Variants in FRAT2 observed in about 807,000 individuals in gnomAD.
FRAT2 encodes FRAT regulator of Wnt signaling pathway 2.
For missense variants in FRAT2, 326 were observed against 340.8 expected (o/e 0.96, Z 0.34); for synonymous variants, 205 against 171.5 (o/e 1.20, Z -1.53).
In FRAT2 at chr10:97,334,639, A is replaced by C; in HGVS notation, c.-67T>G. The C allele has an allele frequency of 9.2e-6, 12 of 1,300,756 alleles. No homozygotes were observed. Among genetic ancestry groups the C allele is most frequent in the Non-Finnish European group, 1.2e-5 (12 of 1,021,282 alleles). The allele number at this position is 1,300,756 out of a possible 1,614,324, so 80.6% of individuals were successfully genotyped here. On this transcript the variant is annotated 5_prime_UTR_variant, in exon 1 of 1. Coordinates refer to ENST00000371019, the MANE Select transcript of FRAT2 (RefSeq NM_012083.3). ...GGGGCTTGGTTGCCCGCGGGCGCGGAGCTGCGGGCGAAGCCGGAGCAGGGG... is the reference window on the plus strand; with the variant it reads ...GGGGCTTGGTTGCCCGCGGGCGCGGCGCTGCGGGCGAAGCCGGAGCAGGGG...
chr10:97,333,565 C>T lies in FRAT2; in HGVS notation c.*306G>A, dbSNP rs1843544948. 1 of 354,156 alleles carries T rather than the reference C, an allele frequency of 2.8e-6. No individual in the cohort carries two copies. The highest frequency in any genetic ancestry group is 4.5e-5 in the Admixed American group (1 of 22,034). 21.9% of individuals were successfully genotyped at this position (354,156 alleles called of 1,614,324 possible). ...ACGCCCCCAAGGGCTAAGTGAGGTA[C>T]AAGTCGATGCAAGTAGCTGCCATAG... On this transcript the variant is annotated 3_prime_UTR_variant, in exon 1 of 1. Transcript: ENST00000371019.
Position 97,334,311 on chromosome 10 carries a change from G to C in FRAT2, c.262C>G (p.Pro88Ala). ...GGCAGCAGCAGCGGCACCGCCGGGG[G>C]CCGGGCCTTGTCCGCCGGCACCGCC... ...AAAVPADKAR[P>A]PAVPLLLPPA... Residue 88 changes from proline (P) to alanine (A), a missense_variant, in exon 1 of 1, where the codon CCC becomes GCC. By Grantham distance (27) the Pro-to-Ala change is conservative (BLOSUM62 -1). Coordinates refer to ENST00000371019, the MANE Select transcript of FRAT2 (RefSeq NM_012083.3). The C allele has an allele frequency of 4.4e-6, 5 of 1,136,206 alleles. No homozygotes were observed. The highest frequency in any genetic ancestry group is 5.4e-6 in the Non-Finnish European group (5 of 928,402). The allele number at this position is 1,136,206 out of a possible 1,614,324, so 70.4% of individuals were successfully genotyped here.
rs938189735 is a variant in FRAT2 at position 97,333,041 on chromosome 10, G to A, written c.*830C>T. On this transcript the variant is annotated 3_prime_UTR_variant, in exon 1 of 1. Coordinates refer to ENST00000371019, the MANE Select transcript of FRAT2 (RefSeq NM_012083.3). Reference sequence around the variant, plus strand: ...AAAGGAAAGCACAGAAAACAGGAAAGAACTCTCCCTACACGTCCCTCTCTG... The same window carrying A: ...AAAGGAAAGCACAGAAAACAGGAAAAAACTCTCCCTACACGTCCCTCTCTG... 4 of 152,026 alleles carry A rather than the reference G, an allele frequency of 2.6e-5. No homozygotes were observed. Among genetic ancestry groups the A allele is most frequent in the African/African-American group, 7.3e-5 (3 of 41,366 alleles). The allele number at this position is 152,026 out of a possible 1,614,324, so 9.4% of individuals were successfully genotyped here.
In FRAT2 at chr10:97,334,481, G is replaced by T. The variant is rs1296127621; in HGVS notation, c.92C>A (p.Ser31Ter). The change falls in exon 1 of 1, where the codon TCG becomes TAG. Residue 31 changes from serine to a stop codon, truncating the protein, a stop_gained. Transcript: ENST00000371019. LOFTEE classifies it low-confidence loss of function (END_TRUNC). ...EDDSFLLLQQ[S>*]VTLGSSGEVD... ...CTCGCCCGAGCTGCCCAGCGTCACC[G>T]ACTGCTGCAGCAGGAGGAAGCTGTC... is the stretch of plus-strand genomic sequence containing the variant. 3.3e-6 allele frequency: 5 copies of T among 1,492,702 alleles called. No individual in the cohort carries two copies. Among genetic ancestry groups the T allele is most frequent in the Non-Finnish European group, 4.4e-6 (5 of 1,126,172 alleles). The allele number at this position is 1,492,702 out of a possible 1,614,324, so 92.5% of individuals were successfully genotyped here. A position where few individuals can be genotyped will look rare whatever the true frequency, so the allele number is the denominator to read the frequency against.
At position 97,333,102 on chromosome 10, in the gene FRAT2, A is replaced by G. The variant is rs1351668061; in HGVS notation, c.*769T>C. The G allele has an allele frequency of 6.6e-6, 1 of 152,196 alleles. No individual in the cohort carries two copies. Among genetic ancestry groups the G allele is most frequent in the Non-Finnish European group, 1.5e-5 (1 of 68,024 alleles). The allele number at this position is 152,196 out of a possible 1,614,324, so 9.4% of individuals were successfully genotyped here. On this transcript the variant is annotated 3_prime_UTR_variant, in exon 1 of 1. Transcript: ENST00000371019. The stretch of plus-strand genomic sequence containing the variant: ...TCCTCGGGAGACTCCAAGCGGTGGT[A>G]AAGCACCAACAGGGCTCTTCTTGGA...
In FRAT2 at chr10:97,333,964, A is replaced by C. The variant is rs1403614566; in HGVS notation, c.609T>G (p.Val203=). ...GGGCGCTTGCGGGGCCCGTGGCTGCAACCGCGGCGACGGCTCGTTGGAGTC... is the reference window on the plus strand; with the variant it reads ...GGGCGCTTGCGGGGCCCGTGGCTGCCACCGCGGCGACGGCTCGTTGGAGTC... ...VRRLQRAVAA[V]AATGPASAPG... is the part of the protein sequence containing the mutation. The change falls in exon 1 of 1, where the codon GTT becomes GTG. Residue 203 remains valine (V), a synonymous_variant. Coordinates refer to ENST00000371019, the MANE Select transcript of FRAT2 (RefSeq NM_012083.3). The C allele has an allele frequency of 1.3e-6, 2 of 1,579,828 alleles. No individual in the cohort carries two copies. The highest frequency in any genetic ancestry group is 1.7e-6 in the Non-Finnish European group (2 of 1,170,796).
In FRAT2 at chr10:97,333,768, T is replaced by C; in HGVS notation, c.*103A>G. ...ACGCGCCTCCCCGCAGCCAAAGTGG[T>C]CGCTCCCAGGCTGGCGACGTCGGCT... On this transcript the variant is annotated 3_prime_UTR_variant, in exon 1 of 1. Transcript: ENST00000371019. 1 of 1,277,276 alleles carries C rather than the reference T, an allele frequency of 7.8e-7. No homozygotes were observed. The highest frequency in any genetic ancestry group is 1.0e-6 in the Non-Finnish European group (1 of 989,384). 79.1% of individuals were successfully genotyped at this position (1,277,276 alleles called of 1,614,324 possible).
rs1843542317 is a variant in FRAT2 at position 97,333,281 on chromosome 10, C to G, written c.*590G>C. ...GCAAAATTCTTCACCTCTCTCCAGT[C>G]CCTTAATTGGAGTTCACATCTCCCA... On this transcript the variant is annotated 3_prime_UTR_variant, in exon 1 of 1. Coordinates refer to ENST00000371019, the MANE Select transcript of FRAT2 (RefSeq NM_012083.3). 6.6e-6 allele frequency: 1 copy of G among 152,230 alleles called. No individual in the cohort carries two copies. Among genetic ancestry groups the G allele is most frequent in the South Asian group, 2.1e-4 (1 of 4,838 alleles). 9.4% of individuals were successfully genotyped at this position (152,230 alleles called of 1,614,324 possible).
At position 97,334,162 on chromosome 10, in the gene FRAT2, G is replaced by A; in HGVS notation, c.411C>T (p.Pro137=). ...PYCVAEVAAG[P]SALPGPCRRG... ...GCCGGCACGGCCCCGGCAGCGCGCTGGGGCCTGCGGCGACCTCCGCCACGC... is the reference window on the plus strand; with the variant it reads ...GCCGGCACGGCCCCGGCAGCGCGCTAGGGCCTGCGGCGACCTCCGCCACGC... Residue 137 remains proline, a synonymous_variant, in exon 1 of 1, where the codon CCC becomes CCT. Transcript: ENST00000371019. 1 of 1,412,846 alleles carries A rather than the reference G, an allele frequency of 7.1e-7. No homozygotes were observed. Among genetic ancestry groups the A allele is most frequent in the Non-Finnish European group, 9.1e-7 (1 of 1,094,606 alleles). 87.5% of individuals were successfully genotyped at this position (1,412,846 alleles called of 1,614,324 possible). A position where few individuals can be genotyped will look rare whatever the true frequency, so the allele number is the denominator to read the frequency against.
Position 97,334,290 on chromosome 10 carries a change from G to A in FRAT2, c.283C>T (p.Leu95=), listed in dbSNP as rs1349948713. Residue 95 remains leucine (L), a synonymous_variant, in exon 1 of 1, where the codon CTG becomes TTG. Transcript: ENST00000371019. Reference sequence around the variant, plus strand: ...ACCGTCTCAGCCGAAGCGGGCGGCAGCAGCAGCGGCACCGCCGGGGGCCGG... The same window carrying A: ...ACCGTCTCAGCCGAAGCGGGCGGCAACAGCAGCGGCACCGCCGGGGGCCGG... ...KARPPAVPLL[L]PPASAETVGP... is the part of the protein sequence containing the mutation. 7 of 1,152,080 alleles carry A rather than the reference G, an allele frequency of 6.1e-6. No individual in the cohort carries two copies. The highest frequency in any genetic ancestry group is 6.4e-6 in the Non-Finnish European group (6 of 938,664). 71.4% of individuals were successfully genotyped at this position (1,152,080 alleles called of 1,614,324 possible).
chr10:97,334,044 G>T lies in FRAT2; in HGVS notation c.529C>A (p.Arg177=). ...GARAGDDDPH[R]LLQQLVLSGN... is the part of the protein sequence containing the mutation. Reference sequence around the variant, plus strand: ...GAGAGCACGAGCTGCTGGAGGAGCCGATGCGGGTCGTCGTCGCCGGCGCGT... The same window carrying T: ...GAGAGCACGAGCTGCTGGAGGAGCCTATGCGGGTCGTCGTCGCCGGCGCGT... Residue 177 remains arginine, a synonymous_variant, in exon 1 of 1, where the codon CGG becomes AGG. Coordinates refer to ENST00000371019, the MANE Select transcript of FRAT2 (RefSeq NM_012083.3). 6.3e-7 allele frequency: 1 copy of T among 1,595,982 alleles called. No individual in the cohort carries two copies.
Position 97,334,065 on chromosome 10 carries a change from C to G in FRAT2, c.508G>C (p.Ala170Pro). Residue 170 changes from alanine (A) to proline (P), a missense_variant, in exon 1 of 1, where the codon GCC (alanine) becomes CCC (proline). Transcript: ENST00000371019. ...QRRWTQAGAR[A>P]GDDDPHRLLQ... is the part of the protein sequence containing the mutation. ...AGCCGATGCGGGTCGTCGTCGCCGG[C>G]GCGTGCCCCGGCTTGGGTCCATCGG... 1.3e-6 allele frequency: 2 copies of G among 1,594,616 alleles called. No homozygotes were observed. The highest frequency in any genetic ancestry group is 2.2e-5 in the South Asian group (2 of 90,522).
In FRAT2 at chr10:97,334,697, G is replaced by T. The variant is rs558711507; in HGVS notation, c.-125C>A. On this transcript the variant is annotated 5_prime_UTR_variant, in exon 1 of 1. Transcript: ENST00000371019. ...GGAAGCCGGAGCCCGCCAGGCACTC[G>T]AGCCACGCGCCTGCAGCCGCTGGAG... is the stretch of plus-strand genomic sequence containing the variant. 9.6e-6 allele frequency: 11 copies of T among 1,146,482 alleles called. No individual in the cohort carries two copies. The highest frequency in any genetic ancestry group is 1.1e-5 in the Non-Finnish European group (10 of 893,726). The allele number at this position is 1,146,482 out of a possible 1,614,324, so 71.0% of individuals were successfully genotyped here. A position where few individuals can be genotyped will look rare whatever the true frequency, so the allele number is the denominator to read the frequency against.
At position 97,334,324 on chromosome 10, in the gene FRAT2, C is replaced by A. The variant is rs1454342122; in HGVS notation, c.249G>T (p.Ala83=). Residue 83 remains alanine, a synonymous_variant, in exon 1 of 1, where the codon GCG becomes GCT. Coordinates refer to ENST00000371019, the MANE Select transcript of FRAT2 (RefSeq NM_012083.3). ...APGPLAAAVP[A]DKARPPAVPL... is the part of the protein sequence containing the mutation. ...GCACCGCCGGGGGCCGGGCCTTGTC[C>A]GCCGGCACCGCCGCAGCCAGGGGCC... 5 of 1,148,886 alleles carry A rather than the reference C, an allele frequency of 4.4e-6. No individual in the cohort carries two copies. The highest frequency in any genetic ancestry group is 5.3e-6 in the Non-Finnish European group (5 of 936,042). 71.2% of individuals were successfully genotyped at this position (1,148,886 alleles called of 1,614,324 possible). A position where few individuals can be genotyped will look rare whatever the true frequency, so the allele number is the denominator to read the frequency against.
rs1004138652 is a variant in FRAT2 at position 97,333,047 on chromosome 10, T to TC, written c.*823dup. ...AAGCACAGAAAACAGGAAAGAACTC[T>TC]CCCTACACGTCCCTCTCTGCCTGTT... On this transcript the variant is annotated 3_prime_UTR_variant, in exon 1 of 1. Transcript: ENST00000371019. 6.6e-6 allele frequency: 1 copy of TC among 152,130 alleles called. No homozygotes were observed. The highest frequency in any genetic ancestry group is 2.4e-5 in the African/African-American group (1 of 41,404). 9.4% of individuals were successfully genotyped at this position (152,130 alleles called of 1,614,324 possible). A position where few individuals can be genotyped will look rare whatever the true frequency, so the allele number is the denominator to read the frequency against.
Position 97,334,516 on chromosome 10 carries a change from T to C in FRAT2, c.57A>G (p.Glu19=), listed in dbSNP as rs1843559181. The change falls in exon 1 of 1, where the codon GAA becomes GAG. Residue 19 remains glutamate (E), a synonymous_variant. Transcript: ENST00000371019. ...EEAGEEAEGE[E]EEDDSFLLLQ... The stretch of plus-strand genomic sequence containing the variant: ...GCAGGAGGAAGCTGTCGTCCTCCTC[T>C]TCCTCCCCCTCCGCCTCCTCGCCGG... The C allele has an allele frequency of 2.0e-6, 3 of 1,494,376 alleles. No homozygotes were observed. Among genetic ancestry groups the C allele is most frequent in the Middle Eastern group, 1.7e-4 (1 of 5,776 alleles). The allele number at this position is 1,494,376 out of a possible 1,614,324, so 92.6% of individuals were successfully genotyped here. A position where few individuals can be genotyped will look rare whatever the true frequency, so the allele number is the denominator to read the frequency against.
In FRAT2 at chr10:97,334,623, T is replaced by A. The variant is rs1266410616; in HGVS notation, c.-51A>T. On this transcript the variant is annotated 5_prime_UTR_variant, in exon 1 of 1. Coordinates refer to ENST00000371019, the MANE Select transcript of FRAT2 (RefSeq NM_012083.3). ...TGTGCGGGCTTCGCTGGGGGCTTGG[T>A]TGCCCGCGGGCGCGGAGCTGCGGGC... 1.5e-6 allele frequency: 2 copies of A among 1,313,844 alleles called. No homozygotes were observed. Among genetic ancestry groups the A allele is most frequent in the African/African-American group, 3.1e-5 (2 of 65,220 alleles). The allele number at this position is 1,313,844 out of a possible 1,614,324, so 81.4% of individuals were successfully genotyped here.
Position 97,334,030 on chromosome 10 carries a change from C to G in FRAT2, c.543G>C (p.Gln181His). ...GDDDPHRLLQ[Q>H]LVLSGNLIKE... ...TGATGAGGTTTCCCGAGAGCACGAGCTGCTGGAGGAGCCGATGCGGGTCGT... is the reference window on the plus strand; with the variant it reads ...TGATGAGGTTTCCCGAGAGCACGAGGTGCTGGAGGAGCCGATGCGGGTCGT... The change falls in exon 1 of 1, where the codon CAG (glutamine) becomes CAC (histidine). Residue 181 changes from glutamine to histidine, a missense_variant. By Grantham distance (24) the Gln-to-His change is conservative. Transcript: ENST00000371019. 2.5e-6 allele frequency: 4 copies of G among 1,596,120 alleles called. No individual in the cohort carries two copies. In the South Asian group the frequency reaches 4.4e-5, roughly 18 times the overall value.
rs571620779 is a variant in FRAT2, at chr10:97,333,234, T to C, written c.*637A>G. On this transcript the variant is annotated 3_prime_UTR_variant, in exon 1 of 1. Coordinates refer to ENST00000371019, the MANE Select transcript of FRAT2 (RefSeq NM_012083.3). Reference sequence around the variant, plus strand: ...AGGTCAAGTCATTTACAAGTCCACATTCAAATCCAAATCTCCCACCTGCAA... The same window carrying C: ...AGGTCAAGTCATTTACAAGTCCACACTCAAATCCAAATCTCCCACCTGCAA... 6.6e-6 allele frequency: 1 copy of C among 152,270 alleles called. No homozygotes were observed. The highest frequency in any genetic ancestry group is 1.9e-4 in the East Asian group (1 of 5,166). The allele number at this position is 152,270 out of a possible 1,614,324, so 9.4% of individuals were successfully genotyped here. A position where few individuals can be genotyped will look rare whatever the true frequency, so the allele number is the denominator to read the frequency against.
Sources: gnomAD v4.1 joint callset for allele counts on GRCh38, gnomAD v4.1.1 for gene constraint, MANE v1.5 for transcripts, NCBI Gene and HGNC (gene_info 2026-07-23, HGNC 2026-07-21) for gene names.